CRMP1: variants seen among roughly 807,000 people sequenced by gnomAD.
The protein encoded by CRMP1 is dihydropyrimidinase-related protein 1.
CRMP1 carries 19 observed loss-of-function variants against 68.3 expected under a neutral mutation model. The observed-to-expected ratio is 0.28, with a 90% CI of 0.19 to 0.41. The LOEUF (loss-of-function observed/expected upper bound fraction) is 0.41. Ranked by LOEUF, CRMP1 falls within the 10% of genes least tolerant of loss-of-function variation. The pLI is 1.00. For synonymous variants in CRMP1, 439 were observed against 399.6 expected, an observed-to-expected ratio of 1.10 and a Z score of -1.18; for missense variants, 791 against 967.4, an observed-to-expected ratio of 0.82 and a Z score of 2.42.
chr4:5,846,700 C>T (rs557341966), intron 6 of CRMP1, among the ~76,000 whole-genome samples: 5 of 150,676 alleles, frequency 3.3e-5, no homozygotes, highest in East Asian at 3.9e-4. Context: ...AAGCAATTCT[C>T]CTGCCTCAAC....
intron 8 of CRMP1, among the ~76,000 whole-genome samples, chr4:5,840,616 A>G (rs1179192051): frequency 6.6e-6 from 1 of 152,120 alleles, no homozygotes; most frequent in Admixed American, 6.5e-5. Context: ...GCCACTGAGA[A>G]ACTAACTTGT....
rs371444639 is a variant in CRMP1, at chr4:5,822,244, C to G, written c.1970-393G>C. Reference sequence around the variant, plus strand: ...AGGGGGTGTTTGTACTCCCAACTTACGGGTGAGCAATTTGAGGTTCAGGCC... The same window carrying G: ...AGGGGGTGTTTGTACTCCCAACTTAGGGGTGAGCAATTTGAGGTTCAGGCC... On this transcript the variant is annotated intron_variant, in intron 13 of 13. Transcript: ENST00000324989. Among the ~76,000 whole-genome samples, 8 of 152,326 alleles carry G rather than the reference C, an allele frequency of 5.3e-5. 1 individual carries two copies. Among genetic ancestry groups the G allele is most frequent in the African/African-American group, 1.9e-4 (8 of 41,574 alleles).
intron 1 of CRMP1, among the ~76,000 whole-genome samples, chr4:5,874,059 G>A (rs1357413546): frequency 6.6e-6 from 1 of 152,212 alleles, no homozygotes; most frequent in Non-Finnish European, 1.5e-5. Flanking sequence ...GTAAGAATGT[G>A]TAGCAGGCAA....
intron 6 of CRMP1, among the ~76,000 whole-genome samples, chr4:5,845,384 C>T (rs536617960): frequency 1.3e-5 from 2 of 152,266 alleles, no homozygotes; most frequent in Admixed American, 6.5e-5. Context: ...GAAGCCGCCT[C>T]GCTGGGGCTG....
intron 1 of CRMP1, among the ~76,000 whole-genome samples, chr4:5,886,281 G>A (rs1162239064): frequency 2.0e-5 from 3 of 152,190 alleles, no homozygotes; most frequent in Non-Finnish European, 4.4e-5. Flanking sequence ...CACACAAGTT[G>A]ACTAATTGTT....
chr4:5,824,033 A>T (rs1719126951), intron 13 of CRMP1, among the ~76,000 whole-genome samples: 1 of 152,150 alleles, frequency 6.6e-6, no homozygotes, highest in South Asian at 2.1e-4. Flanking sequence ...GAGGACTAAG[A>T]GTGAAACTGA....
At chr4:5,884,328 T>A (rs1715417828) in intron 1 of CRMP1, among the ~76,000 whole-genome samples, 1 of 152,194 alleles carries the variant, frequency 6.6e-6, no homozygotes, top group African/African-American at 2.4e-5. Context: ...TCGAGCCTGA[T>A]GTGATTTTTA....
chr4:5,876,705 T>C (rs552449718), intron 1 of CRMP1, among the ~76,000 whole-genome samples: 1 of 152,266 alleles, frequency 6.6e-6, no homozygotes, highest in East Asian at 1.9e-4. Context: ...ATATTCGCAA[T>C]TCAAAACTTC....
At chr4:5,863,928 G>A (rs972309429) in intron 2 of CRMP1, among the ~76,000 whole-genome samples, 7 of 152,300 alleles carry the variant, frequency 4.6e-5, no homozygotes, top group South Asian at 2.1e-4. Context: ...CTCAGTCACC[G>A]TCACTCACTC....
intron 1 of CRMP1, chr4:5,887,281 G>C (rs1715656729): frequency 1.1e-6 from 1 of 896,590 alleles, no homozygotes; most frequent in South Asian, 5.1e-5. Context: ...CCTGAATTTT[G>C]CATAAATGAG....
intron 12 of CRMP1, chr4:5,828,037 G>A (rs1719960696): frequency 1.0e-6 from 1 of 985,172 alleles, no homozygotes; most frequent in African/African-American, 1.7e-5. Context: ...TCTGAAGGAA[G>A]CCCTGCCTGC....
At position 5,822,498 on chromosome 4, in the gene CRMP1, G is replaced by C. The variant is rs200262935; in HGVS notation, c.1970-647C>G. On this transcript the variant is annotated intron_variant, in intron 13 of 13. Coordinates refer to ENST00000324989, the MANE Select transcript of CRMP1 (RefSeq NM_001014809.3). ...TTGGCGATAGGTGGATCTGAAGGGG[G>C]GGGGGGTGGTGTGCAGAGGTTCTTA... Among the ~76,000 whole-genome samples the C allele has an allele frequency of 2.8e-4, 43 of 152,184 alleles. 1 individual carries two copies. In the East Asian group the frequency reaches 7.9e-3, roughly 28 times the overall value.
chr4:5,874,385 TC>T (rs1714666862), intron 1 of CRMP1, among the ~76,000 whole-genome samples: 2 of 152,252 alleles, frequency 1.3e-5, no homozygotes, highest in South Asian at 4.1e-4. Context: ...GTCATTGGCT[TC>T]CCCTACGGAG....
intron 1 of CRMP1, among the ~76,000 whole-genome samples, chr4:5,871,895 T>C (rs1714480655): frequency 6.6e-6 from 1 of 152,192 alleles, no homozygotes; most frequent in African/African-American, 2.4e-5. Context: ...GTTACGTGCT[T>C]TGTGACCATT....
At position 5,888,657 on chromosome 4, in the gene CRMP1, AC is replaced by A. The variant is rs1715786376; in HGVS notation, c.381+3931del. The A allele has an allele frequency of 1.2e-6, 1 of 858,300 alleles. No individual in the cohort carries two copies. The highest frequency in any genetic ancestry group is 3.5e-5 in the African/African-American group (1 of 28,516). The allele number at this position is 858,300 out of a possible 1,614,324, so 53.2% of individuals were successfully genotyped here. On this transcript the variant is annotated intron_variant, in intron 1 of 13. Transcript: ENST00000324989. The surrounding 1 kb of genome is among the most constrained non-coding windows in gnomAD (Gnocchi z 6.4). ...GCCCCCCACCCGCCCAGCCCCGCCG[AC>A]CCCCGCCCTGCGCACACGCCCTTGG...
At chr4:5,880,865 C>A (rs895377847) in intron 1 of CRMP1, among the ~76,000 whole-genome samples, 4 of 152,206 alleles carry the variant, frequency 2.6e-5, no homozygotes, top group South Asian at 2.1e-4. Flanking sequence ...ATCTTGCTCC[C>A]ATTCACTCAC....
intron 2 of CRMP1, among the ~76,000 whole-genome samples, chr4:5,862,903 T>C (rs1014220034): frequency 6.6e-6 from 1 of 152,140 alleles, no homozygotes; most frequent in African/African-American, 2.4e-5. Flanking sequence ...CTTGCTGGGC[T>C]CAAGCGATCC....
chr4:5,831,469 C>T (rs1720377828), intron 11 of CRMP1, among the ~76,000 whole-genome samples: 1 of 152,160 alleles, frequency 6.6e-6, no homozygotes, highest in Non-Finnish European at 1.5e-5. Context: ...GCAGACAGTG[C>T]GTTTCCAGTG....
chr4:5,827,681 T>C (rs1719872689), intron 12 of CRMP1, among the ~76,000 whole-genome samples: 1 of 151,618 alleles, frequency 6.6e-6, no homozygotes, highest in South Asian at 2.1e-4. Flanking sequence ...CACACGTGCA[T>C]GCATGTACAC....
Sources: gnomAD v4.1 joint callset for allele counts (sites outside exome capture counted in the v4.1 genomes callset) on GRCh38, gnomAD v4.1.1 for gene constraint, Gnocchi (gnomAD v3.1) non-coding constraint, MANE v1.5 for transcripts, NCBI Gene and HGNC (gene_info 2026-07-23, HGNC 2026-07-21) for gene names.